The following PCDH7 variants were observed in gnomAD, a reference collection of about 807,000 sequenced individuals.
PCDH7 encodes protocadherin 7, also known as protocadherin-7.
Under a neutral mutation model 58.9 loss-of-function variants are expected in PCDH7, and 17 were observed. The ratio of observed to expected loss-of-function variants is 0.29; its 90% CI spans 0.20 to 0.43. The LOEUF is 0.43. Ranked by LOEUF, PCDH7 falls within the 20% of genes least tolerant of loss-of-function variation. PCDH7 has a pLI of 1.00. For missense variants in PCDH7, 1,274 were observed against 1,441.0 expected (o/e 0.88, Z 1.88); for synonymous variants, 664 against 616.4 (o/e 1.08, Z -1.14).
At chr4:31,032,988 ATTC>A (rs1328228533) in intron 3 of PCDH7, among the ~76,000 whole-genome samples, 2 of 151,816 alleles carry the variant, frequency 1.3e-5, no homozygotes, top group Admixed American at 6.6e-5. Context: ...TTTTTTTGTA[ATTC>A]TTCTTGACTC....
chr4:31,137,828 A>C (rs1719797774), intron 3 of PCDH7, among the ~76,000 whole-genome samples: 1 of 152,138 alleles, frequency 6.6e-6, no homozygotes, highest in Admixed American at 6.5e-5. Context: ...TACATATCTG[A>C]TCTTTAAGAA....
At chr4:31,051,314 A>G (rs1756713989) in intron 3 of PCDH7, among the ~76,000 whole-genome samples, 1 of 152,142 alleles carries the variant, frequency 6.6e-6, no homozygotes, top group Non-Finnish European at 1.5e-5. Flanking sequence ...GCATCTGTTT[A>G]TCTTTTGTTA....
At chr4:30,790,306 C>T (rs1341238039) in intron 1 of PCDH7, among the ~76,000 whole-genome samples, 2 of 152,100 alleles carry the variant, frequency 1.3e-5, no homozygotes, top group African/African-American at 2.4e-5. Context: ...GTTCATGATA[C>T]CCATCTTGCA....
chr4:30,873,989 T>A (rs1442546249), intron 1 of PCDH7, among the ~76,000 whole-genome samples: 1 of 152,132 alleles, frequency 6.6e-6, no homozygotes, highest in African/African-American at 2.4e-5. Flanking sequence ...TCAGTTGGGC[T>A]ATGTTAATTT....
intron 3 of PCDH7, among the ~76,000 whole-genome samples, chr4:31,098,274 G>A (rs1249851831): frequency 1.3e-5 from 2 of 152,150 alleles, no homozygotes; most frequent in Non-Finnish European, 2.9e-5. Flanking sequence ...CTGACCAGTG[G>A]AAAAAGTCAT....
rs376170803 is a variant in PCDH7, at chr4:30,993,758, T to A, written c.*7+43543T>A. On this transcript the variant is annotated intron_variant, in intron 3 of 3. Transcript: ENST00000509759. ...ATTTAGATTTTTTTTTTTGGCCAAA[T>A]AGTGATAATCCTAAAAAAAACTCTG... Among the ~76,000 whole-genome samples the A allele has an allele frequency of 1.4e-4, 21 of 152,002 alleles. No homozygotes were observed. In the East Asian group the frequency reaches 4.0e-3, roughly 29 times the overall value.
chr4:30,928,552 A>G (rs9685207), intron 2 of PCDH7, among the ~76,000 whole-genome samples: 117,704 of 152,092 alleles, frequency 0.77, 46,388 homozygotes, highest in African/African-American at 0.94. Context: ...TTTATGCTCA[A>G]GAGATACAAC....
chr4:30,816,363 A>G (rs1385501032), intron 1 of PCDH7, among the ~76,000 whole-genome samples: 2 of 152,206 alleles, frequency 1.3e-5, no homozygotes, highest in Non-Finnish European at 2.9e-5. Context: ...TTGACTTTGT[A>G]GGGAAACGCT....
At chr4:30,750,803 G>A (rs1345078044) in intron 1 of PCDH7, among the ~76,000 whole-genome samples, 8 of 151,938 alleles carry the variant, frequency 5.3e-5, no homozygotes, top group Non-Finnish European at 1.2e-4. Flanking sequence ...TAAGTGTAAC[G>A]CGAAAGACAG....
chr4:31,127,113 G>T (rs926831211), intron 3 of PCDH7, among the ~76,000 whole-genome samples: 3 of 152,150 alleles, frequency 2.0e-5, no homozygotes, highest in Non-Finnish European at 4.4e-5. Flanking sequence ...TAAATAAAGA[G>T]CATGTGTGGC....
At chr4:31,049,325 T>C (rs1161746762) in intron 3 of PCDH7, among the ~76,000 whole-genome samples, 2 of 152,078 alleles carry the variant, frequency 1.3e-5, no homozygotes, top group Admixed American at 1.3e-4. Context: ...GTGAGTGTTA[T>C]AGGTAAGTAT....
intron 1 of PCDH7, among the ~76,000 whole-genome samples, chr4:30,911,607 T>A (rs1489876968): frequency 6.6e-6 from 1 of 152,156 alleles, no homozygotes; most frequent in Non-Finnish European, 1.5e-5. Context: ...ATATCTTTTT[T>A]AGAAGTTTTT....
At chr4:30,728,306 G>T (rs939539592) in intron 1 of PCDH7, among the ~76,000 whole-genome samples, 48 of 151,062 alleles carry the variant, frequency 3.2e-4, no homozygotes, top group East Asian at 1.2e-3. Context: ...TAGAGAGAGA[G>T]AGAGAGAGAG....
At chr4:30,898,009 G>T (rs1252536511) in intron 1 of PCDH7, among the ~76,000 whole-genome samples, 1 of 152,094 alleles carries the variant, frequency 6.6e-6, no homozygotes, top group Non-Finnish European at 1.5e-5. Context: ...CCTCCCAAAG[G>T]TACATTTGTA....
rs191745973 is a variant in PCDH7, at chr4:30,840,589, G to C, written c.71-79564G>C. Among the ~76,000 whole-genome samples the C allele has an allele frequency of 2.9e-3, 447 of 151,892 alleles. 3 individuals carry two copies. The highest frequency in any genetic ancestry group is 9.9e-3 in the African/African-American group (412 of 41,456). ...GATATTTTTATAGAAACAATAATGA[G>C]AAAAAAAATGGATTTCTCCAAGCTT... On this transcript the variant is annotated intron_variant, in intron 1 of 3. Coordinates refer to the PCDH7 transcript ENST00000509759.
At chr4:31,056,408 GAAA>G (rs1757171068) in intron 3 of PCDH7, among the ~76,000 whole-genome samples, 1 of 136,728 alleles carries the variant, frequency 7.3e-6, no homozygotes, top group African/African-American at 3.0e-5. Context: ...AAGGAAGAAA[GAAA>G]GAAGGAAAGA....
chr4:30,822,573 G>A (rs905622501), intron 1 of PCDH7, among the ~76,000 whole-genome samples: 3 of 152,026 alleles, frequency 2.0e-5, no homozygotes, highest in African/African-American at 4.8e-5. Flanking sequence ...TGATGAATCC[G>A]TCATGGTTTA....
At chr4:30,759,490 T>C (rs990937764) in intron 1 of PCDH7, among the ~76,000 whole-genome samples, 1 of 152,156 alleles carries the variant, frequency 6.6e-6, no homozygotes, top group African/African-American at 2.4e-5. Context: ...TCAACTTTAT[T>C]CCAATCTGTG....
intron 3 of PCDH7, among the ~76,000 whole-genome samples, chr4:31,016,855 TGTGTGTGTGTGCTGA>T (rs1753650966): frequency 6.7e-6 from 1 of 148,652 alleles, no homozygotes; most frequent in Admixed American, 6.8e-5. Context: ...GTGTGCTGGG[TGTGTGTGTGTGCTGA>T]GTGTGTGTGC....
Sources: allele counts gnomAD v4.1 joint callset (sites outside exome capture counted in the v4.1 genomes callset), GRCh38; gene constraint gnomAD v4.1.1; transcripts MANE v1.5; gene names NCBI Gene and HGNC (gene_info 2026-07-23, HGNC 2026-07-21).